Variants in CTNNA3 observed in about 807,000 individuals in gnomAD.
CTNNA3 encodes catenin alpha 3, also known as catenin alpha-3.
A neutral mutation model predicts 95.7 loss-of-function variants in CTNNA3; 76 were observed. The observed-to-expected ratio is 0.79, with a 90% CI of 0.66 to 0.96. The LOEUF is 0.96. Among genes scored for constraint, CTNNA3 ranks in the 40% least tolerant of loss-of-function variants. The probability of loss-of-function intolerance (pLI) is 0.00; values close to 1 mark genes in which losing one functional copy is unlikely to be tolerated. For synonymous variants in CTNNA3, 431 were observed against 374.4 expected, an observed-to-expected ratio of 1.15 and a Z score of -1.74; for missense variants, 1,191 against 1,089.8, an observed-to-expected ratio of 1.09 and a Z score of -1.31.
intron 17 of CTNNA3, among the ~76,000 whole-genome samples, chr10:65,952,476 T>C (rs1395585656): frequency 6.6e-6 from 1 of 152,174 alleles, no homozygotes; most frequent in Non-Finnish European, 1.5e-5. Flanking sequence ...TCATTTCTTT[T>C]GCTTCTCTCC....
chr10:65,969,227 G>T (rs1011181086), intron 16 of CTNNA3, among the ~76,000 whole-genome samples: 5 of 151,450 alleles, frequency 3.3e-5, no homozygotes, highest in African/African-American at 1.2e-4. Context: ...GATGGGAAAG[G>T]GAAAGGGAAA....
chr10:66,911,072 T>G (rs956923545), intron 7 of CTNNA3, among the ~76,000 whole-genome samples: 1 of 152,206 alleles, frequency 6.6e-6, no homozygotes, highest in East Asian at 1.9e-4. Flanking sequence ...ACTTAAAATA[T>G]TATGCTAGCC....
chr10:66,445,591 T>C (rs1029983871), intron 11 of CTNNA3, among the ~76,000 whole-genome samples: 1 of 151,846 alleles, frequency 6.6e-6, no homozygotes, highest in Non-Finnish European at 1.5e-5. Flanking sequence ...CATAACAAAA[T>C]GAAGGCAGAA....
chr10:66,231,172 G>A lies in CTNNA3; in HGVS notation c.1884+49298C>T, dbSNP rs555005863. Among the ~76,000 whole-genome samples, 6 of 152,272 alleles carry A rather than the reference G, an allele frequency of 3.9e-5. No individual in the cohort carries two copies. The South Asian group carries it at 1.2e-3, about 32-fold the overall frequency. ...CAATGGCTGTGAAGCTCTCCTGTTAGTAGGAGTGTGAGTATTCATCGTGGG... is the reference window on the plus strand; with the variant it reads ...CAATGGCTGTGAAGCTCTCCTGTTAATAGGAGTGTGAGTATTCATCGTGGG... On this transcript the variant is annotated intron_variant, in intron 13 of 17. Transcript: ENST00000433211.
chr10:67,486,887 C>T (rs1284849953), intron 5 of CTNNA3, among the ~76,000 whole-genome samples: 2 of 152,164 alleles, frequency 1.3e-5, no homozygotes, highest in African/African-American at 4.8e-5. Flanking sequence ...CATGTTTTCT[C>T]ACACTTTAGT....
chr10:67,410,634 A>G (rs1845330311), intron 5 of CTNNA3, among the ~76,000 whole-genome samples: 1 of 150,906 alleles, frequency 6.6e-6, no homozygotes, highest in African/African-American at 2.4e-5. Flanking sequence ...CCCCACCCAA[A>G]AAAAAAAAAA....
intron 5 of CTNNA3, among the ~76,000 whole-genome samples, chr10:67,513,207 C>G (rs531864556): frequency 1.4e-4 from 21 of 152,102 alleles, no homozygotes; most frequent in African/African-American, 4.1e-4. Context: ...AAGTCCATAC[C>G]CATTCTGGTA....
At chr10:67,595,890 T>C (rs1842920799) in intron 3 of CTNNA3, among the ~76,000 whole-genome samples, 1 of 152,202 alleles carries the variant, frequency 6.6e-6, no homozygotes, top group African/African-American at 2.4e-5. Flanking sequence ...TGCCCTTCTT[T>C]GTCTTTTGTC....
chr10:66,786,397 A>G (rs1840747491), intron 7 of CTNNA3, among the ~76,000 whole-genome samples: 1 of 152,142 alleles, frequency 6.6e-6, no homozygotes, highest in Non-Finnish European at 1.5e-5. Context: ...TCTACCCCAG[A>G]AAAGGGGAGA....
intron 11 of CTNNA3, among the ~76,000 whole-genome samples, chr10:66,402,531 T>G (rs1199654609): frequency 2.0e-5 from 3 of 152,186 alleles, no homozygotes; most frequent in Non-Finnish European, 4.4e-5. Flanking sequence ...TGTCAATATA[T>G]TAACAGTTAA....
At chr10:66,152,814 C>G (rs2084273420) in intron 13 of CTNNA3, among the ~76,000 whole-genome samples, 1 of 151,958 alleles carries the variant, frequency 6.6e-6, no homozygotes, top group Admixed American at 6.6e-5. Context: ...GTTATCCTTT[C>G]TCTTTATTGA....
intron 7 of CTNNA3, among the ~76,000 whole-genome samples, chr10:66,812,031 T>C (rs1023850206): frequency 6.6e-6 from 1 of 152,162 alleles, no homozygotes; most frequent in African/African-American, 2.4e-5. Flanking sequence ...CTTTACTTTA[T>C]TGAGATGATC....
intron 17 of CTNNA3, among the ~76,000 whole-genome samples, chr10:65,961,347 T>C (rs896468369): frequency 2.0e-5 from 3 of 152,142 alleles, no homozygotes; most frequent in East Asian, 3.9e-4. Flanking sequence ...ATAATACTGA[T>C]ACTGCTTTTA....
chr10:67,538,157 TAAAAA>T (rs1176919938), intron 4 of CTNNA3, among the ~76,000 whole-genome samples: 1 of 59,174 alleles, frequency 1.7e-5, no homozygotes, highest in Admixed American at 1.9e-4. Context: ...CTACTTAAAC[TAAAAA>T]AAAAAAAAAA....
rs554174564 is a variant in CTNNA3 at position 66,865,295 on chromosome 10, C to T, written c.1048-89771G>A. Among the ~76,000 whole-genome samples the T allele has an allele frequency of 6.1e-4, 92 of 150,970 alleles. No homozygotes were observed. In the Middle Eastern group the frequency reaches 0.01, roughly 17 times the overall value. On this transcript the variant is annotated intron_variant, in intron 7 of 17. Transcript: ENST00000433211. ...TTACTCCAGGCAAATTTTCATTGAC[C>T]ATATTTTATGCAAGCTACATAGTAG...
At chr10:66,247,477 A>G (rs1436578985) in intron 13 of CTNNA3, among the ~76,000 whole-genome samples, 2 of 152,214 alleles carry the variant, frequency 1.3e-5, no homozygotes, top group African/African-American at 4.8e-5. Context: ...CGATATCAAT[A>G]TTTAAGTACA....
intron 13 of CTNNA3, among the ~76,000 whole-genome samples, chr10:66,217,998 T>C (rs1270166489): frequency 7.2e-5 from 11 of 151,956 alleles, no homozygotes; most frequent in Non-Finnish European, 1.6e-4. Flanking sequence ...TTAAACTGTT[T>C]TCAGAGGGGA....
chr10:66,677,002 G>T (rs1000797154), intron 9 of CTNNA3, among the ~76,000 whole-genome samples: 5 of 152,140 alleles, frequency 3.3e-5, no homozygotes, highest in African/African-American at 1.2e-4. Flanking sequence ...TGAGTGGTCA[G>T]AAATGGGGTA....
chr10:67,023,718 A>G (rs1853173806), intron 7 of CTNNA3, among the ~76,000 whole-genome samples: 1 of 152,212 alleles, frequency 6.6e-6, no homozygotes, highest in African/African-American at 2.4e-5. Context: ...TCTTCTTACA[A>G]AGACATCAAG....
Sources: gnomAD v4.1 joint callset for allele counts (sites outside exome capture counted in the v4.1 genomes callset) on GRCh38, gnomAD v4.1.1 for gene constraint, MANE v1.5 for transcripts, NCBI Gene and HGNC (gene_info 2026-07-23, HGNC 2026-07-21) for gene names.